The following LRP1B variants were observed in gnomAD, a reference collection of about 807,000 sequenced individuals.
The protein encoded by LRP1B is LDL receptor related protein 1B.
In LRP1B, 217 loss-of-function variants were observed where a neutral mutation model predicts 556.6. The ratio of observed to expected loss-of-function variants is 0.39; its 90% confidence interval spans 0.35 to 0.44. The LOEUF is 0.44. Ranked by LOEUF, LRP1B falls within the 20% of genes least tolerant of loss-of-function variation. The pLI, the probability that LRP1B is intolerant of heterozygous loss-of-function variation, is 1.00. For missense variants in LRP1B, 5,053 were observed against 5,620.8 expected, an observed-to-expected ratio of 0.90 and a Z score of 3.23; for synonymous variants, 2,047 against 1,865.8, an observed-to-expected ratio of 1.10 and a Z score of -2.50.
chr2:141,018,907 G>A (rs1054045651), intron 12 of LRP1B, among the ~76,000 whole-genome samples: 4 of 151,952 alleles, frequency 2.6e-5, no homozygotes, highest in Non-Finnish European at 5.9e-5. Flanking sequence ...TCTAGGAACC[G>A]CAATTTGGTA....
intron 86 of LRP1B, among the ~76,000 whole-genome samples, chr2:140,250,812 C>T (rs886768783): frequency 1.1e-4 from 16 of 151,650 alleles, no homozygotes; most frequent in Admixed American, 3.3e-4. Context: ...AAGAAATATT[C>T]GAGATACATT....
intron 2 of LRP1B, among the ~76,000 whole-genome samples, chr2:141,553,699 T>G (rs1414043977): frequency 7.4e-6 from 1 of 135,548 alleles, no homozygotes; most frequent in African/African-American, 2.7e-5. Context: ...GAATATATAT[T>G]ATATAGATCT....
At chr2:141,544,405 C>CTCCTCCTT (rs1685474761) in intron 2 of LRP1B, among the ~76,000 whole-genome samples, 1 of 65,880 alleles carries the variant, frequency 1.5e-5, no homozygotes, top group Non-Finnish European at 3.4e-5. Flanking sequence ...TCCTCCTCCT[C>CTCCTCCTT]CTCCTCCTTC....
chr2:140,962,218 A>C (rs949836812), intron 18 of LRP1B, among the ~76,000 whole-genome samples: 2 of 152,150 alleles, frequency 1.3e-5, no homozygotes, highest in African/African-American at 4.8e-5. Flanking sequence ...GAATGTAGCG[A>C]TCTTCAGAAA....
At chr2:141,367,569 G>A (rs113301875) in intron 3 of LRP1B, among the ~76,000 whole-genome samples, 8,711 of 126,578 alleles carry the variant, frequency 0.069, 350 homozygotes, top group African/African-American at 0.12. Context: ...TGCAAGCTCC[G>A]CCTCCCCAGT....
chr2:140,265,970 C>T (rs144814583), intron 86 of LRP1B, among the ~76,000 whole-genome samples: 4 of 152,070 alleles, frequency 2.6e-5, no homozygotes, highest in Non-Finnish European at 4.4e-5. Context: ...CATAATCTTA[C>T]ATATTCTGGA....
intron 2 of LRP1B, among the ~76,000 whole-genome samples, chr2:141,722,753 GATA>G: frequency 6.6e-6 from 1 of 151,842 alleles, no homozygotes; most frequent in African/African-American, 2.4e-5. Context: ...TAGATAGATA[GATA>G]GATAGATAGA....
rs146751584 is a variant in LRP1B, at chr2:141,376,141, C to T, written c.343+104255G>A. ...TGTCTGTAGATCCCTGGTATCTAGG[C>T]TTTCAAAATAGCACTCAGCTCAAGC... is the stretch of plus-strand genomic sequence containing the variant. On this transcript the variant is annotated intron_variant, in intron 3 of 90. Transcript: ENST00000389484. Among the ~76,000 whole-genome samples, 808 of 152,234 alleles carry T rather than the reference C, an allele frequency of 5.3e-3. 3 individuals carry two copies. Among genetic ancestry groups the T allele is most frequent in the Non-Finnish European group, 8.7e-3 (589 of 68,016 alleles).
At chr2:141,084,659 T>C (rs896313502) in intron 7 of LRP1B, among the ~76,000 whole-genome samples, 19 of 151,876 alleles carry the variant, frequency 1.3e-4, no homozygotes, top group African/African-American at 4.3e-4. Context: ...TTTCTTTTTT[T>C]TTTTTTTTCA....
chr2:140,472,484 G>C (rs1447644984), intron 60 of LRP1B, among the ~76,000 whole-genome samples: 1 of 151,980 alleles, frequency 6.6e-6, no homozygotes, highest in Non-Finnish European at 1.5e-5. Context: ...CTAGTAAATT[G>C]ACCGATGTAT....
intron 3 of LRP1B, among the ~76,000 whole-genome samples, chr2:141,266,712 C>A (rs1225043162): frequency 1.3e-5 from 2 of 152,040 alleles, no homozygotes; most frequent in African/African-American, 2.4e-5. Flanking sequence ...AACTTAGCAA[C>A]TTTAGATTCT....
At chr2:141,702,196 T>C (rs1351112507) in intron 2 of LRP1B, among the ~76,000 whole-genome samples, 4 of 151,944 alleles carry the variant, frequency 2.6e-5, no homozygotes, top group Non-Finnish European at 4.4e-5. Context: ...GTTAGATCAA[T>C]TGGCTTAGGT....
intron 1 of LRP1B, among the ~76,000 whole-genome samples, chr2:141,875,336 T>A (rs899724942): frequency 6.6e-6 from 1 of 151,876 alleles, no homozygotes; most frequent in African/African-American, 2.4e-5. Flanking sequence ...CATATATATT[T>A]TTGACAAAGC....
At chr2:140,368,425 C>T (rs773667341) in intron 71 of LRP1B, among the ~76,000 whole-genome samples, 6 of 151,714 alleles carry the variant, frequency 4.0e-5, no homozygotes, top group Non-Finnish European at 8.8e-5. Flanking sequence ...ATTTATTTGA[C>T]TAACACATTG....
In LRP1B at chr2:142,130,819, G is replaced by T. The variant is rs1318240869; in HGVS notation, c.-90C>A. ...GCGGCGGCGGCAGGGGCCGCTTGGA[G>T]CCTGGAATCGAGCGGCGTCATTTAC... On this transcript the variant is annotated 5_prime_UTR_variant, in exon 1 of 91. Coordinates refer to ENST00000389484, the MANE Select transcript of LRP1B (RefSeq NM_018557.3). The T allele has an allele frequency of 4.1e-6, 4 of 973,992 alleles. No individual in the cohort carries two copies. The highest frequency in any genetic ancestry group is 6.4e-6 in the Non-Finnish European group (4 of 620,386). 60.3% of individuals were successfully genotyped at this position (973,992 alleles called of 1,614,324 possible). A position where few individuals can be genotyped will look rare whatever the true frequency, so the allele number is the denominator to read the frequency against.
At chr2:140,968,052 G>A (rs1244311576) in intron 18 of LRP1B, among the ~76,000 whole-genome samples, 1 of 132,006 alleles carries the variant, frequency 7.6e-6, no homozygotes, top group African/African-American at 2.8e-5. Flanking sequence ...CATAAAATGA[G>A]TTAGGGAGGA....
At chr2:141,053,292 G>T (rs1036354606) in intron 10 of LRP1B, among the ~76,000 whole-genome samples, 1 of 151,850 alleles carries the variant, frequency 6.6e-6, no homozygotes, top group African/African-American at 2.4e-5. Context: ...GCTTCTGCTG[G>T]TATCAATCTA....
At chr2:142,068,915 A>G (rs1231840878) in intron 1 of LRP1B, among the ~76,000 whole-genome samples, 2 of 151,682 alleles carry the variant, frequency 1.3e-5, no homozygotes, top group Non-Finnish European at 3.0e-5. Flanking sequence ...GTTCTAATTC[A>G]TCCTTGCAAT....
intron 7 of LRP1B, among the ~76,000 whole-genome samples, chr2:141,095,524 C>T (rs561811646): frequency 6.6e-6 from 1 of 150,712 alleles, no homozygotes; most frequent in African/African-American, 2.4e-5. Flanking sequence ...TCAAGGAATT[C>T]TGCTTGTGGT....
Sources: allele counts gnomAD v4.1 joint callset (sites outside exome capture counted in the v4.1 genomes callset), GRCh38; gene constraint gnomAD v4.1.1; transcripts MANE v1.5; gene names NCBI Gene and HGNC (gene_info 2026-07-23, HGNC 2026-07-21).